The following FANCD2 variants were observed in gnomAD, a reference collection of about 807,000 sequenced individuals.
FANCD2 encodes Fanconi anemia group D2 protein.
In FANCD2, 131 loss-of-function variants were observed where a neutral mutation model predicts 192.3. That is an observed-to-expected ratio of 0.68 (90% confidence interval 0.59 to 0.79). The LOEUF is 0.79. Among genes scored for constraint, FANCD2 ranks in the 30% least tolerant of loss-of-function variants. The pLI is 0.00. For synonymous variants in FANCD2, 524 were observed against 612.5 expected (o/e 0.86, Z 2.13); for missense variants, 1,508 against 1,701.6 (o/e 0.89, Z 2.00).
chr3:10,036,727 A>G (rs2086740414), intron 7 of FANCD2, among the ~76,000 whole-genome samples: 1 of 151,956 alleles, frequency 6.6e-6, no homozygotes, highest in African/African-American at 2.4e-5. Flanking sequence ...GCTCAGGGAT[A>G]ATCCCTAGTA....
At chr3:10,084,883 A>C (rs766199957) in intron 32 of FANCD2, among the ~76,000 whole-genome samples, 2 of 152,224 alleles carry the variant, frequency 1.3e-5, no homozygotes, top group Admixed American at 6.5e-5. Flanking sequence ...CAGTGGTTTA[A>C]GAAAACACTT....
chr3:10,054,436 CATGTATATACATATATATAT>C lies in FANCD2; in HGVS notation c.1656+1942_1656+1961del, dbSNP rs1185139012. On this transcript the variant is annotated intron_variant, in intron 18 of 43. Transcript: ENST00000675286. ...GTATATACATATATACATGTATATACATGTATATACATATATATATATATATATATATATATATTTTTTTT... is the reference window on the plus strand; with the variant it reads ...GTATATACATATATACATGTATATACATATATATATATATATATTTTTTTT... 7.1e-5 allele frequency among the ~76,000 whole-genome samples: 4 copies of C among 56,582 alleles called. No individual in the cohort carries two copies. The Admixed American group carries it at 8.5e-4, about 12-fold the overall frequency. The allele number at this position is 56,582 out of a possible 152,430, so 37.1% of individuals were successfully genotyped here. A position where few individuals can be genotyped will look rare whatever the true frequency, so the allele number is the denominator to read the frequency against.
rs192808427 is a variant in FANCD2, at chr3:10,045,955, G to A, written c.1135-625G>A. 7.9e-5 allele frequency among the ~76,000 whole-genome samples: 12 copies of A among 151,800 alleles called. No individual in the cohort carries two copies. The East Asian group carries it at 1.9e-3, about 25-fold the overall frequency. ...ATACTGTAGTTGGCAACAAATACAC[G>A]CTGGAGTTGGCAAGTGATTGAATCT... On this transcript the variant is annotated intron_variant, in intron 14 of 43. Transcript: ENST00000675286.
intron 8 of FANCD2, 63 bp downstream of exon 8, chr3:10,039,420 G>A (rs1324762385): frequency 1.4e-6 from 2 of 1,383,166 alleles, no homozygotes; most frequent in Admixed American, 1.8e-5. Flanking sequence ...TTTGGAGGTT[G>A]TATTTTTTTT....
At chr3:10,063,663 A>G in intron 20 of FANCD2, 129 bp from the exon 21 acceptor site, 2 of 1,214,896 alleles carry the variant, frequency 1.6e-6, no homozygotes, top group Non-Finnish European at 2.4e-6. Flanking sequence ...ACATTCAGGA[A>G]AACTTCAAGT....
chr3:10,099,950 C>G (rs1021772122), intron 43 of FANCD2, among the ~76,000 whole-genome samples: 2 of 152,110 alleles, frequency 1.3e-5, no homozygotes, highest in African/African-American at 2.4e-5. Flanking sequence ...AATCGTAGCA[C>G]TTTGTGAGGC....
At chr3:10,077,511 T>C (rs1037234164) in intron 29 of FANCD2, among the ~76,000 whole-genome samples, 16 of 151,958 alleles carry the variant, frequency 1.1e-4, no homozygotes, top group Non-Finnish European at 2.1e-4. Context: ...GCCAAGATCA[T>C]GCCACTGCCC....
Position 10,087,217 on chromosome 3 carries a change from T to G in FANCD2, c.3419T>G (p.Val1140Gly), listed in dbSNP as rs781064333. The G allele has an allele frequency of 1.9e-6, 3 of 1,613,878 alleles. No homozygotes were observed. The East Asian group carries it at 6.7e-5, about 36-fold the overall frequency. ...CALYLIRLLM[V>G]ILEKSTASAQ... ...CTTTATCTCATCAGACTTTTGATGGTTATTTTGGAGAAATCAACAGCTTCT... is the reference window on the plus strand; with the variant it reads ...CTTTATCTCATCAGACTTTTGATGGGTATTTTGGAGAAATCAACAGCTTCT... The change falls in exon 34 of 44, where the codon GTT (valine) becomes GGT (glycine). Residue 1140 changes from valine (V) to glycine (G), a missense_variant. This residue lies in a region of FANCD2 where 796 missense variants were observed against 879.4 expected (regional missense o/e 0.91). Transcript: ENST00000675286.
At chr3:10,060,926 AT>A (rs1237051723) in intron 19 of FANCD2, among the ~76,000 whole-genome samples, 2 of 152,174 alleles carry the variant, frequency 1.3e-5, no homozygotes, top group Non-Finnish European at 2.9e-5. Flanking sequence ...GCTCCTTGGA[AT>A]TTATTTTCTG....
intron 25 of FANCD2, among the ~76,000 whole-genome samples, chr3:10,066,641 T>C (rs1375038338): frequency 6.6e-6 from 1 of 152,186 alleles, no homozygotes; most frequent in African/African-American, 2.4e-5. Context: ...TAGAACTTGT[T>C]TCACCAAATT....
chr3:10,079,375 G>C (rs1396776169), intron 30 of FANCD2, among the ~76,000 whole-genome samples: 1 of 152,152 alleles, frequency 6.6e-6, no homozygotes, highest in African/African-American at 2.4e-5. Flanking sequence ...TGCAATCTCG[G>C]CTCACTGCAG....
rs565369707 is a variant in FANCD2 at position 10,095,686 on chromosome 3, G to A, written c.4038+412G>A. Among the ~76,000 whole-genome samples the A allele has an allele frequency of 5.9e-5, 9 of 152,168 alleles. No homozygotes were observed. The South Asian group carries it at 1.9e-3, about 32-fold the overall frequency. On this transcript the variant is annotated intron_variant, in intron 41 of 43. Coordinates refer to ENST00000675286, the MANE Select transcript of FANCD2 (RefSeq NM_001018115.3). ...TTCAAGGAACTCATCTATGTCTTATGAGAACATCTTAGCATTAAAGGATTT... is the reference window on the plus strand; with the variant it reads ...TTCAAGGAACTCATCTATGTCTTATAAGAACATCTTAGCATTAAAGGATTT...
chr3:10,054,853 T>TA (rs976967200), intron 18 of FANCD2, among the ~76,000 whole-genome samples: 25 of 147,578 alleles, frequency 1.7e-4, no homozygotes, highest in East Asian at 7.9e-4. Context: ...TTTTTTTAAT[T>TA]AAAAAAAAAA....
intron 18 of FANCD2, 41 bp from the exon 19 acceptor site, chr3:10,060,253 C>T (rs1441904114): frequency 1.4e-6 from 2 of 1,395,422 alleles, no homozygotes; most frequent in East Asian, 2.3e-5. Flanking sequence ...TTTTGCTGTG[C>T]CATTCCAGCA....
At chr3:10,031,325 A>C (rs1022504148) in intron 2 of FANCD2, among the ~76,000 whole-genome samples, 4 of 152,062 alleles carry the variant, frequency 2.6e-5, no homozygotes, top group African/African-American at 9.7e-5. Flanking sequence ...AACATGGTGA[A>C]ACCCCGTCTC....
chr3:10,067,237 C>T lies in FANCD2; in HGVS notation c.2414C>T (p.Ser805Leu). ...GTAAATGCCTTCTGCCAGGAAACAT[C>T]ACCTGAGATGAAGGGGAAGGTGCTC... ...EIVNAFCQET[S>L]PEMKGKVLTR... Residue 805 changes from serine (S) to leucine (L), a missense_variant, in exon 26 of 44, where the codon TCA (serine) becomes TTA (leucine). Around this residue, in one of 5 missense-constraint regions of FANCD2, gnomAD observed 796 missense variants for 879.4 expected, o/e 0.91. Coordinates refer to ENST00000675286, the MANE Select transcript of FANCD2 (RefSeq NM_001018115.3). The T allele has an allele frequency of 6.2e-7, 1 of 1,613,120 alleles. No homozygotes were observed. The highest frequency in any genetic ancestry group is 8.5e-7 in the Non-Finnish European group (1 of 1,179,156).
chr3:10,061,609 T>C (rs892371659), intron 19 of FANCD2, among the ~76,000 whole-genome samples: 2 of 152,204 alleles, frequency 1.3e-5, no homozygotes, highest in African/African-American at 4.8e-5. Flanking sequence ...GTTAGAACAA[T>C]GTTTAGTACA....
At chr3:10,054,371 GTATATACATATATATATGTA>G (rs1559383055) in intron 18 of FANCD2, among the ~76,000 whole-genome samples, 1 of 74,122 alleles carries the variant, frequency 1.3e-5, no homozygotes, top group East Asian at 2.6e-4. Flanking sequence ...ATATATACGT[GTATATACATATATATATGTA>G]TATACGTATA....
rs1332224410 is a variant in FANCD2, at chr3:10,063,981, C to T, written c.1947+70C>T. ...GCTTTACTACACTCTTCAAGTCTTT[C>T]TGTTGCAGTGTGAAAATAGATCATC... On this transcript the variant is annotated intron_variant, in intron 21 of 43. Transcript: ENST00000675286. The T allele has an allele frequency of 4.3e-6, 6 of 1,411,626 alleles. No individual in the cohort carries two copies. The African/African-American group carries it at 5.7e-5, about 14-fold the overall frequency. The allele number at this position is 1,411,626 out of a possible 1,614,324, so 87.4% of individuals were successfully genotyped here.
Sources: gnomAD v4.1 joint callset for allele counts (sites outside exome capture counted in the v4.1 genomes callset) on GRCh38, gnomAD v4.1.1 for gene constraint, gnomAD v4.1.1 regional missense constraint, MANE v1.5 for transcripts, NCBI Gene and HGNC (gene_info 2026-07-23, HGNC 2026-07-21) for gene names.